CEP112: variants seen among roughly 807,000 people sequenced by gnomAD.
CEP112 encodes the protein centrosomal protein 112.
Under a neutral mutation model 153.0 loss-of-function variants are expected in CEP112, and 127 were observed. The observed-to-expected ratio is 0.83, with a 90% CI of 0.72 to 0.96. CEP112 has a LOEUF of 0.96. Among genes scored for constraint, CEP112 ranks in the 40% least tolerant of loss-of-function variants. The probability of loss-of-function intolerance (pLI) is 0.00; values close to 1 mark genes in which losing one functional copy is unlikely to be tolerated. For missense variants in CEP112, 1,089 were observed against 1,101.2 expected, an observed-to-expected ratio of 0.99 and a Z score of 0.16; for synonymous variants, 358 against 374.4, an observed-to-expected ratio of 0.96 and a Z score of 0.51.
chr17:65,981,997 C>A (rs887443700), intron 17 of CEP112, among the ~76,000 whole-genome samples: 10 of 152,046 alleles, frequency 6.6e-5, no homozygotes, highest in Admixed American at 4.6e-4. Context: ...AACAACCTAA[C>A]GATTTATTGT....
intron 11 of CEP112, among the ~76,000 whole-genome samples, chr17:66,058,716 G>A (rs1311463979): frequency 6.6e-6 from 1 of 151,928 alleles, no homozygotes; most frequent in East Asian, 1.9e-4. Flanking sequence ...GCCAGGTGTG[G>A]TAATGCACAC....
chr17:66,026,837 A>C (rs544840720), intron 16 of CEP112, among the ~76,000 whole-genome samples: 1 of 152,306 alleles, frequency 6.6e-6, no homozygotes, highest in Admixed American at 6.5e-5. Flanking sequence ...GGCAAATCCA[A>C]GTTATAGTTT....
At chr17:66,032,351 TGAAA>T (rs1462676698) in intron 12 of CEP112, among the ~76,000 whole-genome samples, 1 of 9,348 alleles carries the variant, frequency 1.1e-4, no homozygotes, top group Non-Finnish European at 4.1e-4. Flanking sequence ...AGAAACCAAG[TGAAA>T]AAAAAAAAAA....
At chr17:65,770,438 A>T (rs545941437) in intron 21 of CEP112, among the ~76,000 whole-genome samples, 1 of 152,168 alleles carries the variant, frequency 6.6e-6, no homozygotes, top group South Asian at 2.1e-4. Flanking sequence ...TTCAAAGAAA[A>T]ATTGGAGAGA....
At chr17:65,966,225 T>C (rs1193533479) in intron 17 of CEP112, among the ~76,000 whole-genome samples, 1 of 152,192 alleles carries the variant, frequency 6.6e-6, no homozygotes, top group African/African-American at 2.4e-5. Context: ...AGAAGCTGCA[T>C]TGTTAAACAA....
At chr17:65,939,867 C>T (rs986310983) in intron 18 of CEP112, among the ~76,000 whole-genome samples, 5 of 151,982 alleles carry the variant, frequency 3.3e-5, no homozygotes, top group Non-Finnish European at 4.4e-5. Flanking sequence ...GCACAGGCAA[C>T]GAAGGCAAAC....
intron 24 of CEP112, among the ~76,000 whole-genome samples, chr17:65,679,279 C>A (rs781754993): frequency 6.0e-5 from 9 of 151,024 alleles, no homozygotes; most frequent in Non-Finnish European, 1.2e-4. Context: ...ATCATACCAG[C>A]TGTCTGGGAA....
chr17:65,884,634 T>C (rs959706173), intron 20 of CEP112, among the ~76,000 whole-genome samples: 1 of 152,100 alleles, frequency 6.6e-6, no homozygotes, highest in African/African-American at 2.4e-5. Flanking sequence ...CAACAGTTAA[T>C]GTTTTGCAAA....
At chr17:66,168,393 GTATA>G (rs1224123728) in intron 4 of CEP112, among the ~76,000 whole-genome samples, 2 of 146,398 alleles carry the variant, frequency 1.4e-5, no homozygotes, top group Non-Finnish European at 1.5e-5. Context: ...ATATGTGTGT[GTATA>G]TATATGTGTA....
At chr17:65,799,346 T>G (rs2055125665) in intron 21 of CEP112, among the ~76,000 whole-genome samples, 1 of 152,190 alleles carries the variant, frequency 6.6e-6, no homozygotes, top group South Asian at 2.1e-4. Context: ...TCCTCTACCT[T>G]ACCCACATAC....
intron 6 of CEP112, among the ~76,000 whole-genome samples, chr17:66,106,686 T>C (rs140520952): frequency 2.0e-5 from 3 of 152,148 alleles, no homozygotes; most frequent in African/African-American, 7.2e-5. Flanking sequence ...TAGGACCCAA[T>C]GGCTTCACTG....
At chr17:66,172,330 G>A (rs118030736) in intron 4 of CEP112, among the ~76,000 whole-genome samples, 1 of 152,130 alleles carries the variant, frequency 6.6e-6, no homozygotes, top group East Asian at 1.9e-4. Flanking sequence ...GAGTACTAAA[G>A]GAGTAAATGG....
At chr17:65,760,019 G>A (rs2052518202) in intron 21 of CEP112, among the ~76,000 whole-genome samples, 1 of 152,150 alleles carries the variant, frequency 6.6e-6, no homozygotes, top group South Asian at 2.1e-4. Flanking sequence ...AATTTTGGGG[G>A]TACTAATGTA....
chr17:65,755,460 C>T (rs1011224894), intron 21 of CEP112, among the ~76,000 whole-genome samples: 3 of 152,044 alleles, frequency 2.0e-5, no homozygotes, highest in Admixed American at 6.6e-5. Context: ...GAGATTTGGG[C>T]GGGGACACAC....
At chr17:65,827,242 C>T (rs934316791) in intron 21 of CEP112, among the ~76,000 whole-genome samples, 4 of 152,216 alleles carry the variant, frequency 2.6e-5, no homozygotes, top group African/African-American at 9.6e-5. Context: ...CAGCTTGCCA[C>T]AGGCCCATTG....
At chr17:66,061,567 G>GAT (rs1415455494) in intron 11 of CEP112, among the ~76,000 whole-genome samples, 5 of 47,954 alleles carry the variant, frequency 1.0e-4, no homozygotes, top group African/African-American at 4.2e-4. Context: ...AAATGTGATA[G>GAT]ATACACACAC....
chr17:66,007,998 T>C (rs1273350635), intron 16 of CEP112, among the ~76,000 whole-genome samples: 1 of 152,140 alleles, frequency 6.6e-6, no homozygotes, highest in East Asian at 1.9e-4. Context: ...TTTGTTACTG[T>C]CCTCAACTCC....
chr17:66,142,761 T>C (rs1262141774), intron 4 of CEP112, among the ~76,000 whole-genome samples: 1 of 152,214 alleles, frequency 6.6e-6, no homozygotes. Flanking sequence ...AGATTTGTAA[T>C]ACATTTTGAA....
chr17:65,953,511 C>T (rs183515713), intron 18 of CEP112, among the ~76,000 whole-genome samples: 3 of 152,338 alleles, frequency 2.0e-5, no homozygotes, highest in Admixed American at 1.3e-4. Context: ...CAACAAAACA[C>T]TGAGAGTCTG....
Sources: gnomAD v4.1 joint callset for allele counts (sites outside exome capture counted in the v4.1 genomes callset) on GRCh38, gnomAD v4.1.1 for gene constraint, MANE v1.5 for transcripts, NCBI Gene and HGNC (gene_info 2026-07-23, HGNC 2026-07-21) for gene names.